CDK14: variants seen among roughly 807,000 people sequenced by gnomAD.
CDK14 encodes cyclin dependent kinase 14, also known as cyclin-dependent kinase 14.
Under a neutral mutation model 60.7 loss-of-function variants are expected in CDK14, and 34 were observed. The observed-to-expected ratio is 0.56, with a 90% CI of 0.43 to 0.75. The LOEUF (loss-of-function observed/expected upper bound fraction) is 0.75, where lower values mean the gene tolerates loss of function less well. Among genes scored for constraint, CDK14 ranks in the 30% least tolerant of loss-of-function variants. CDK14 has a pLI of 0.00. For missense variants in CDK14, 482 were observed against 564.1 expected (o/e 0.85, Z 1.47); for synonymous variants, 197 against 203.7 (o/e 0.97, Z 0.28).
At chr7:90,956,098 T>C (rs1285109167) in intron 9 of CDK14, among the ~76,000 whole-genome samples, 1 of 152,162 alleles carries the variant, frequency 6.6e-6, no homozygotes, top group African/African-American at 2.4e-5. Flanking sequence ...TCTTAATTTG[T>C]GGCTGTATCT....
chr7:90,673,611 G>T (rs1475201078), intron 2 of CDK14, among the ~76,000 whole-genome samples: 1 of 152,208 alleles, frequency 6.6e-6, no homozygotes, highest in Non-Finnish European at 1.5e-5. Context: ...ACAATAGATG[G>T]TGCTTGTTAA....
At chr7:91,144,748 A>G (rs571816227) in intron 14 of CDK14, among the ~76,000 whole-genome samples, 3 of 152,196 alleles carry the variant, frequency 2.0e-5, no homozygotes, top group Non-Finnish European at 4.4e-5. Flanking sequence ...AAAAGGGGTA[A>G]TCCACTGGTA....
intron 2 of CDK14, among the ~76,000 whole-genome samples, chr7:90,694,554 A>C (rs1801618452): frequency 6.6e-6 from 1 of 152,168 alleles, no homozygotes; most frequent in Non-Finnish European, 1.5e-5. Flanking sequence ...ATTGGATAAA[A>C]TATTTTGGTA....
At chr7:91,064,580 A>T (rs1797915829) in intron 11 of CDK14, among the ~76,000 whole-genome samples, 1 of 152,220 alleles carries the variant, frequency 6.6e-6, no homozygotes. Flanking sequence ...CTCTTTGGTA[A>T]GAGTAGACTG....
chr7:91,105,310 G>A (rs1019597930), intron 12 of CDK14, among the ~76,000 whole-genome samples: 3 of 152,210 alleles, frequency 2.0e-5, no homozygotes, highest in South Asian at 2.1e-4. Context: ...ACAGAGTGGG[G>A]ACCCTCAAAG....
intron 14 of CDK14, among the ~76,000 whole-genome samples, chr7:91,139,922 G>A (rs1221082728): frequency 6.7e-6 from 1 of 149,936 alleles, no homozygotes; most frequent in African/African-American, 2.5e-5. Context: ...TCAAGACGAA[G>A]TACAGTTTCC....
intron 12 of CDK14, among the ~76,000 whole-genome samples, chr7:91,100,512 A>G (rs705355): frequency 0.57 from 86,803 of 152,058 alleles, 26,450 homozygotes; most frequent in East Asian, 0.83. Flanking sequence ...ACAAATTCAT[A>G]TATATTAGTC....
chr7:90,742,938 A>G (rs892848475), intron 3 of CDK14, among the ~76,000 whole-genome samples: 1 of 152,068 alleles, frequency 6.6e-6, no homozygotes, highest in African/African-American at 2.4e-5. Context: ...TGGAATATAC[A>G]TGAGATATCT....
chr7:90,998,852 G>A (rs1018579038), intron 10 of CDK14, among the ~76,000 whole-genome samples: 1 of 152,098 alleles, frequency 6.6e-6, no homozygotes, highest in African/African-American at 2.4e-5. Flanking sequence ...TCGCGCCACT[G>A]CACTCCAGCC....
chr7:91,188,811 T>A (rs1416102568), intron 14 of CDK14, among the ~76,000 whole-genome samples: 1 of 152,240 alleles, frequency 6.6e-6, no homozygotes, highest in East Asian at 1.9e-4. Context: ...CTTGTGTAAT[T>A]GTTGATGAGT....
intron 5 of CDK14, among the ~76,000 whole-genome samples, chr7:90,831,305 AC>A (rs1789903217): frequency 1.3e-5 from 2 of 152,182 alleles, no homozygotes; most frequent in South Asian, 4.1e-4. Context: ...GACACATCTT[AC>A]GTGGTGGGAG....
intron 2 of CDK14, among the ~76,000 whole-genome samples, chr7:90,667,110 G>A (rs779621927): frequency 9.9e-5 from 15 of 152,106 alleles, no homozygotes; most frequent in Non-Finnish European, 2.1e-4. Context: ...TGGGGTACAT[G>A]TGATGCTGAA....
chr7:90,954,327 G>C (rs897847906), intron 8 of CDK14, among the ~76,000 whole-genome samples: 2 of 152,044 alleles, frequency 1.3e-5, no homozygotes, highest in African/African-American at 4.8e-5. Context: ...ACATTAAAAT[G>C]AATATGTTAT....
intron 14 of CDK14, among the ~76,000 whole-genome samples, chr7:91,189,180 A>G: frequency 6.6e-6 from 1 of 152,292 alleles, no homozygotes; most frequent in African/African-American, 2.4e-5. Flanking sequence ...GAATAATTTT[A>G]TCTTAAACAT....
rs1044100677 is a variant in CDK14 at position 90,612,603 on chromosome 7, C to G, written c.123+8354C>G. Among the ~76,000 whole-genome samples, 15 of 151,978 alleles carry G rather than the reference C, an allele frequency of 9.9e-5. No homozygotes were observed. The East Asian group carries it at 2.5e-3, about 26-fold the overall frequency. On this transcript the variant is annotated intron_variant, in intron 2 of 14. Coordinates refer to ENST00000380050, the MANE Select transcript of CDK14 (RefSeq NM_001287135.2). The stretch of plus-strand genomic sequence containing the variant: ...CCTGGCCAACGTGGTGAAACCCTGT[C>G]TCTACCAAAAATATAAAAATTAGCT...
chr7:90,764,617 G>A (rs1027603186), intron 4 of CDK14, among the ~76,000 whole-genome samples: 1 of 152,174 alleles, frequency 6.6e-6, no homozygotes, highest in East Asian at 1.9e-4. Context: ...TTGGGGAGAT[G>A]ATCTGACAGA....
chr7:90,920,717 T>C (rs1477083327), intron 8 of CDK14, among the ~76,000 whole-genome samples: 1 of 152,240 alleles, frequency 6.6e-6, no homozygotes, highest in Non-Finnish European at 1.5e-5. Context: ...ATAACAAATA[T>C]GACACCCATG....
intron 11 of CDK14, among the ~76,000 whole-genome samples, chr7:91,073,634 A>T (rs1798216335): frequency 6.6e-6 from 1 of 152,202 alleles, no homozygotes; most frequent in South Asian, 2.1e-4. Flanking sequence ...TGATGACAGG[A>T]TCAAATTCAC....
intron 10 of CDK14, among the ~76,000 whole-genome samples, chr7:91,036,068 C>T (rs1158345491): frequency 6.6e-6 from 1 of 152,168 alleles, no homozygotes; most frequent in Non-Finnish European, 1.5e-5. Context: ...TGGTCTCGAT[C>T]TCCTGACCTC....
Sources: gnomAD v4.1 joint callset for allele counts (sites outside exome capture counted in the v4.1 genomes callset) on GRCh38, gnomAD v4.1.1 for gene constraint, MANE v1.5 for transcripts, NCBI Gene and HGNC (gene_info 2026-07-23, HGNC 2026-07-21) for gene names.